The following C19orf12 variants were observed in gnomAD, a reference collection of about 807,000 sequenced individuals.
C19orf12 encodes the protein chromosome 19 open reading frame 12.
C19orf12 carries 2 observed loss-of-function variants against 3.8 expected under a neutral mutation model. The ratio of observed to expected loss-of-function variants is 0.53; its 90% CI spans 0.22 to 1.66. The LOEUF (loss-of-function observed/expected upper bound fraction) is 1.66. Among genes scored for constraint, C19orf12 ranks in the 40% most tolerant of loss-of-function variants. The pLI is 0.20. For missense variants in C19orf12, 156 were observed against 188.8 expected (o/e 0.83, Z 1.02); for synonymous variants, 89 against 84.6 (o/e 1.05, Z -0.28).
intron 1 of C19orf12, among the ~76,000 whole-genome samples, chr19:29,709,670 C>G (rs1434200068): frequency 6.6e-6 from 1 of 151,216 alleles, no homozygotes; most frequent in Non-Finnish European, 1.5e-5. Flanking sequence ...GATGGGACTA[C>G]AGGTATGCAA....
intron 1 of C19orf12, among the ~76,000 whole-genome samples, chr19:29,714,209 CA>C (rs1386426438): frequency 6.6e-6 from 1 of 152,034 alleles, no homozygotes; most frequent in African/African-American, 2.4e-5. Context: ...CTAAAAAATA[CA>C]AAAATTGGTC....
Position 29,702,430 on chromosome 19 carries a change from C to T in C19orf12, c.*282G>A, listed in dbSNP as rs1027950334. The T allele has an allele frequency of 2.1e-5, 13 of 630,954 alleles. No individual in the cohort carries two copies. The highest frequency in any genetic ancestry group is 6.3e-5 in the Admixed American group (3 of 47,676). 39.1% of individuals were successfully genotyped at this position (630,954 alleles called of 1,614,324 possible). A position where few individuals can be genotyped will look rare whatever the true frequency, so the allele number is the denominator to read the frequency against. ...GGTGAGAGGACTCAGCAGACGCCTC[C>T]GAAGCCTGCGGCAGGCAGGCCTTTA... On this transcript the variant is annotated 3_prime_UTR_variant, in exon 3 of 3. Transcript: ENST00000323670.
chr19:29,715,094 C>A (rs1194183865), intron 1 of C19orf12, 31 bp downstream of exon 1: 1 of 591,196 alleles, frequency 1.7e-6, no homozygotes, highest in Non-Finnish European at 3.0e-6. Context: ...GCCTGGGAGG[C>A]GCCCCGCCCC....
chr19:29,708,711 T>C (rs568593423), intron 1 of C19orf12: 84 of 457,430 alleles, frequency 1.8e-4, no homozygotes, highest in African/African-American at 1.5e-3. Context: ...CCCGGCCACA[T>C]GTTCTGCTGG....
chr19:29,708,832 G>A (rs1338841572), intron 1 of C19orf12, among the ~76,000 whole-genome samples: 2 of 152,208 alleles, frequency 1.3e-5, no homozygotes, highest in Non-Finnish European at 2.9e-5. Flanking sequence ...CCGGCGTGAG[G>A]CATCTGAGCT....
At chr19:29,710,029 G>A (rs73041228) in intron 1 of C19orf12, among the ~76,000 whole-genome samples, 23,562 of 151,856 alleles carry the variant, frequency 0.16, 3,104 homozygotes, top group African/African-American at 0.36. Flanking sequence ...GCAACACTAC[G>A]CTCAGCTAAT....
chr19:29,706,655 C>T (rs192208728), intron 2 of C19orf12, among the ~76,000 whole-genome samples: 9 of 152,296 alleles, frequency 5.9e-5, no homozygotes, highest in African/African-American at 1.4e-4. Context: ...GGTTCCTTCC[C>T]GGATGGCAAG....
In C19orf12 at chr19:29,703,910, A is replaced by G. The variant is rs1013870449; in HGVS notation, c.161-933T>C. Among the ~76,000 whole-genome samples, 3 of 152,022 alleles carry G rather than the reference A, an allele frequency of 2.0e-5. No homozygotes were observed. The South Asian group carries it at 6.2e-4, about 32-fold the overall frequency. On this transcript the variant is annotated intron_variant, in intron 2 of 2. Coordinates refer to ENST00000323670, the MANE Select transcript of C19orf12 (RefSeq NM_031448.6). ...GAAGCTGAGGCAGGAGAATCACTTGAACCCGGGAAGTAGAGGTTGCAGTGA... is the reference window on the plus strand; with the variant it reads ...GAAGCTGAGGCAGGAGAATCACTTGGACCCGGGAAGTAGAGGTTGCAGTGA...
chr19:29,701,500 T>C lies in C19orf12; in HGVS notation c.*1212A>G, dbSNP rs989479057. On this transcript the variant is annotated 3_prime_UTR_variant, in exon 3 of 3. Transcript: ENST00000323670. ...AAGGTCTGTACGTGTTCAGTACCAA[T>C]GCAATTTCTTTTTTCAAATATTTCC... is the stretch of plus-strand genomic sequence containing the variant. 3 of 454,046 alleles carry C rather than the reference T, an allele frequency of 6.6e-6. No individual in the cohort carries two copies. The highest frequency in any genetic ancestry group is 1.6e-5 in the South Asian group (1 of 64,486). 28.1% of individuals were successfully genotyped at this position (454,046 alleles called of 1,614,324 possible).
intron 2 of C19orf12, among the ~76,000 whole-genome samples, 187 bp downstream of exon 2, chr19:29,708,067 C>T (rs566788493): frequency 3.9e-5 from 6 of 152,074 alleles, no homozygotes; most frequent in Admixed American, 6.5e-5. Context: ...TTAGTAGAGA[C>T]GGGGTTTCAC....
In C19orf12 at chr19:29,702,598, G is replaced by T; in HGVS notation, c.*114C>A. 1 of 1,367,016 alleles carries T rather than the reference G, an allele frequency of 7.3e-7. No homozygotes were observed. Among genetic ancestry groups the T allele is most frequent in the Non-Finnish European group, 1.0e-6 (1 of 958,708 alleles). The allele number at this position is 1,367,016 out of a possible 1,614,324, so 84.7% of individuals were successfully genotyped here. A position where few individuals can be genotyped will look rare whatever the true frequency, so the allele number is the denominator to read the frequency against. On this transcript the variant is annotated 3_prime_UTR_variant, in exon 3 of 3. Transcript: ENST00000323670. The stretch of plus-strand genomic sequence containing the variant: ...AGCGGGACATTACTAGTAATACACT[G>T]ATGATGTGGAGATTCCCCAGGGGGC...
intron 1 of C19orf12, among the ~76,000 whole-genome samples, chr19:29,712,341 G>T (rs534628461): frequency 6.6e-6 from 1 of 152,060 alleles, no homozygotes; most frequent in South Asian, 2.1e-4. Context: ...GGGAGGTGGA[G>T]GTTGCAGTGA....
chr19:29,708,569 T>C (rs1313855672), intron 1 of C19orf12, 146 bp from the exon 2 acceptor site: 4 of 1,003,100 alleles, frequency 4.0e-6, no homozygotes, highest in South Asian at 2.7e-5. Context: ...ACAGACAGCA[T>C]CCAGACGGTG....
chr19:29,703,719 G>A lies in C19orf12; in HGVS notation c.161-742C>T, dbSNP rs752271770. 8.6e-5 allele frequency among the ~76,000 whole-genome samples: 13 copies of A among 152,046 alleles called. No homozygotes were observed. In the South Asian group the frequency reaches 1.9e-3, roughly 22 times the overall value. On this transcript the variant is annotated intron_variant, in intron 2 of 2. Transcript: ENST00000323670. Reference sequence around the variant, plus strand: ...AGAGAAACCATCTCAGGCTGGGTGCGGTGGCTCATGCCTGTAATATCAGCA... The same window carrying A: ...AGAGAAACCATCTCAGGCTGGGTGCAGTGGCTCATGCCTGTAATATCAGCA...
Position 29,699,770 on chromosome 19 carries a change from C to T in C19orf12, c.*2942G>A, listed in dbSNP as rs374537092. The T allele has an allele frequency of 1.1e-4, 51 of 453,904 alleles. No individual in the cohort carries two copies. The highest frequency in any genetic ancestry group is 7.5e-4 in the South Asian group (48 of 64,358). The allele number at this position is 453,904 out of a possible 1,614,324, so 28.1% of individuals were successfully genotyped here. On this transcript the variant is annotated 3_prime_UTR_variant, in exon 3 of 3. Coordinates refer to ENST00000323670, the MANE Select transcript of C19orf12 (RefSeq NM_031448.6). ...CGGCATAGGAGCAGGCCTTCCCTTG[C>T]AGCTTGCGCCCTCCCGTACCTTTTA...
chr19:29,707,960 C>T (rs1972466350), intron 2 of C19orf12, among the ~76,000 whole-genome samples: 1 of 151,620 alleles, frequency 6.6e-6, no homozygotes, highest in Non-Finnish European at 1.5e-5. Context: ...CAATCTTTGC[C>T]TCCCGGGTTT....
chr19:29,715,476 T>C, upstream of C19orf12: 2 of 376,720 alleles, frequency 5.3e-6, no homozygotes, highest in Admixed American at 3.0e-5. Flanking sequence ...CGGAGAAGAG[T>C]CCTGGGAACC....
intron 1 of C19orf12, among the ~76,000 whole-genome samples, chr19:29,712,536 A>G (rs750503823): frequency 6.6e-6 from 1 of 152,136 alleles, no homozygotes; most frequent in Non-Finnish European, 1.5e-5. Context: ...TCACACATGC[A>G]CAGTAGGAAG....
intron 1 of C19orf12, among the ~76,000 whole-genome samples, chr19:29,709,719 A>T (rs1053329808): frequency 9.2e-5 from 14 of 151,526 alleles, no homozygotes; most frequent in Admixed American, 7.9e-4. Flanking sequence ...TTTTTAGTAG[A>T]GATGACTACT....
Sources: gnomAD v4.1 joint callset for allele counts (sites outside exome capture counted in the v4.1 genomes callset) on GRCh38, gnomAD v4.1.1 for gene constraint, MANE v1.5 for transcripts, NCBI Gene and HGNC (gene_info 2026-07-23, HGNC 2026-07-21) for gene names.